The following TNKS variants were observed in gnomAD, a reference collection of about 807,000 sequenced individuals.
The protein encoded by TNKS is poly [ADP-ribose] polymerase tankyrase-1.
TNKS carries 72 observed loss-of-function variants against 135.8 expected under a neutral mutation model. The observed-to-expected ratio is 0.53, with a 90% CI of 0.44 to 0.64. The LOEUF (loss-of-function observed/expected upper bound fraction) is 0.64, where lower values mean the gene tolerates loss of function less well. TNKS is among the 30% of genes least tolerant of loss of function. The pLI is 0.00. For missense variants in TNKS, 1,769 were observed against 1,674.0 expected (o/e 1.06, Z -0.99); for synonymous variants, 849 against 649.3 (o/e 1.31, Z -4.68).
chr8:9,610,460 G>A (rs1275334662), intron 2 of TNKS, among the ~76,000 whole-genome samples: 1 of 151,760 alleles, frequency 6.6e-6, no homozygotes. Context: ...TAAACGCAAG[G>A]ATCTATCGTG....
intron 1 of TNKS, among the ~76,000 whole-genome samples, chr8:9,571,070 C>G (rs926996710): frequency 3.9e-5 from 6 of 152,130 alleles, no homozygotes; most frequent in African/African-American, 1.4e-4. Context: ...CATTTGATGT[C>G]CAGTTACTGT....
At chr8:9,714,041 A>G (rs1804466839) in intron 11 of TNKS, among the ~76,000 whole-genome samples, 1 of 152,154 alleles carries the variant, frequency 6.6e-6, no homozygotes, top group African/African-American at 2.4e-5. Context: ...TCTCAGGCAA[A>G]GGCAGAAGAA....
chr8:9,717,072 A>ATATATATATATATATATATATATATATAT lies in TNKS; in HGVS notation c.1750-3302_1750-3301insTATATATATATATATATATATATATATAT, dbSNP rs376229840. 5.5e-3 allele frequency among the ~76,000 whole-genome samples: 440 copies of ATATATATATATATATATATATATATATAT among 79,398 alleles called. 71 individuals are homozygous for ATATATATATATATATATATATATATATAT. The highest frequency in any genetic ancestry group is 8.4e-3 in the Non-Finnish European group (335 of 40,004). 52.1% of individuals were successfully genotyped at this position (79,398 alleles called of 152,430 possible). On this transcript the variant is annotated intron_variant, in intron 11 of 26. Transcript: ENST00000310430. Reference sequence around the variant, plus strand: ...CACCAAAGATAATCTGTTGTATTATAATATATATATATATATATATATATA... The same window carrying ATATATATATATATATATATATATATATAT: ...CACCAAAGATAATCTGTTGTATTATATATATATATATATATATATATATATATATATATATATATATATATATATATATA...
chr8:9,779,115 G>A lies in TNKS; in HGVS notation c.*2379G>A, dbSNP rs1417000900. 1 of 152,608 alleles carries A rather than the reference G, an allele frequency of 6.6e-6. No homozygotes were observed. The highest frequency in any genetic ancestry group is 1.5e-5 in the Non-Finnish European group (1 of 68,032). 9.5% of individuals were successfully genotyped at this position (152,608 alleles called of 1,614,324 possible). ...TTCAAGTATATAGTAGTTCTTGAAA[G>A]AGTGTGCATATATTACTCATCTGCT... On this transcript the variant is annotated 3_prime_UTR_variant, in exon 27 of 27. Transcript: ENST00000310430.
At chr8:9,624,945 TTGC>T (rs1312584284) in intron 3 of TNKS, among the ~76,000 whole-genome samples, 1 of 152,084 alleles carries the variant, frequency 6.6e-6, no homozygotes. Flanking sequence ...ATTATTATTA[TTGC>T]TATTTAAATC....
chr8:9,670,059 G>A (rs1041594679), intron 3 of TNKS: 8 of 152,042 alleles, frequency 5.3e-5, no homozygotes, highest in Non-Finnish European at 1.0e-4. Flanking sequence ...TAATACTATG[G>A]GCTATTGTGA....
chr8:9,669,324 A>G (rs1240458981), intron 3 of TNKS, among the ~76,000 whole-genome samples: 1 of 151,142 alleles, frequency 6.6e-6, no homozygotes, highest in Non-Finnish European at 1.5e-5. Context: ...AGGCTGAGGC[A>G]GGAGAATGGC....
chr8:9,560,779 A>G (rs1407924301), intron 1 of TNKS, among the ~76,000 whole-genome samples: 3 of 152,000 alleles, frequency 2.0e-5, no homozygotes, highest in African/African-American at 7.2e-5. Context: ...TCCCAGACTT[A>G]AAATTGTTGA....
In TNKS at chr8:9,715,538, C is replaced by T. The variant is rs187392620; in HGVS notation, c.1750-4836C>T. Among the ~76,000 whole-genome samples the T allele has an allele frequency of 1.1e-4, 17 of 152,044 alleles. No individual in the cohort carries two copies. The East Asian group carries it at 3.1e-3, about 28-fold the overall frequency. ...GCTGTCCTCTATCTCCTCCCAGTAC[C>T]CCCCATCTCCTCCCAGTGCCCGTGA... On this transcript the variant is annotated intron_variant, in intron 11 of 26. Coordinates refer to ENST00000310430, the MANE Select transcript of TNKS (RefSeq NM_003747.3).
chr8:9,706,287 C>CTT (rs11343041), intron 7 of TNKS, 34 bp downstream of exon 7: 161 of 1,026,400 alleles, frequency 1.6e-4, no homozygotes, highest in South Asian at 2.1e-4. Context: ...GCATCATTTA[C>CTT]TTTTTTTTTT....
chr8:9,562,822 T>C (rs1797389827), intron 1 of TNKS, among the ~76,000 whole-genome samples: 1 of 152,062 alleles, frequency 6.6e-6, no homozygotes, highest in Non-Finnish European at 1.5e-5. Context: ...AGCCTTTTTT[T>C]TTTCTTTCTA....
At chr8:9,615,509 C>A in intron 2 of TNKS, 73 bp from the exon 3 acceptor site, 2 of 1,272,716 alleles carry the variant, frequency 1.6e-6, no homozygotes, top group Non-Finnish European at 1.1e-6. Flanking sequence ...CTACACCATG[C>A]CGAGACGACA....
At chr8:9,598,035 A>G (rs1798860806) in intron 2 of TNKS, among the ~76,000 whole-genome samples, 1 of 152,144 alleles carries the variant, frequency 6.6e-6, no homozygotes, top group South Asian at 2.1e-4. Context: ...TGTCCTTTAG[A>G]TTGAAAGTAC....
intron 2 of TNKS, 142 bp downstream of exon 2, chr8:9,580,525 A>G (rs1026235924): frequency 9.4e-6 from 7 of 742,846 alleles, no homozygotes; most frequent in East Asian, 8.1e-5. Context: ...CAAAAGGTAA[A>G]CAGAGAGATG....
At chr8:9,758,217 A>C (rs1046651869) in intron 20 of TNKS, among the ~76,000 whole-genome samples, 1 of 152,190 alleles carries the variant, frequency 6.6e-6, no homozygotes, top group South Asian at 2.1e-4. Context: ...GTACACAACA[A>C]ATATTGTGTG....
At chr8:9,711,841 T>C (rs1357032811) in intron 11 of TNKS, among the ~76,000 whole-genome samples, 1 of 152,182 alleles carries the variant, frequency 6.6e-6, no homozygotes, top group African/African-American at 2.4e-5. Flanking sequence ...TGAAAAATGA[T>C]ATAAATGAAT....
At chr8:9,570,618 C>T (rs988859242) in intron 1 of TNKS, among the ~76,000 whole-genome samples, 1 of 152,220 alleles carries the variant, frequency 6.6e-6, no homozygotes, top group Non-Finnish European at 1.5e-5. Flanking sequence ...AACAAAGGGC[C>T]TCAATCCTCT....
rs1585440472 is a variant in TNKS, at chr8:9,766,512, G to GTCTT, written c.3740+88_3740+91dup. 19 of 1,152,438 alleles carry GTCTT rather than the reference G, an allele frequency of 1.6e-5. No individual in the cohort carries two copies. The East Asian group carries it at 5.3e-4, about 32-fold the overall frequency. 71.4% of individuals were successfully genotyped at this position (1,152,438 alleles called of 1,614,324 possible). On this transcript the variant is annotated intron_variant, in intron 25 of 26. Coordinates refer to ENST00000310430, the MANE Select transcript of TNKS (RefSeq NM_003747.3). ...TTTTTTTTTTTTTTTTTGAGATGAA[G>GTCTT]TCTTGCTCTTGTCACCCAGGCTGGA...
chr8:9,761,434 T>C (rs1168279506), intron 20 of TNKS, 82 bp from the exon 21 acceptor site: 28 of 1,416,042 alleles, frequency 2.0e-5, no homozygotes, highest in Non-Finnish European at 2.7e-5. Context: ...ATGGTACTCG[T>C]AGCATTGAAG....
Sources: allele counts gnomAD v4.1 joint callset (sites outside exome capture counted in the v4.1 genomes callset), GRCh38; gene constraint gnomAD v4.1.1; transcripts MANE v1.5; gene names NCBI Gene and HGNC (gene_info 2026-07-23, HGNC 2026-07-21).